Variants in GRIK2 observed in about 807,000 individuals in gnomAD.
GRIK2 encodes glutamate receptor ionotropic, kainate 2.
Under a neutral mutation model 100.3 loss-of-function variants are expected in GRIK2, and 32 were observed. That is an observed-to-expected ratio of 0.32 (90% CI 0.24 to 0.43). The LOEUF (loss-of-function observed/expected upper bound fraction) is 0.43, where lower values mean the gene tolerates loss of function less well. Ranked by LOEUF, GRIK2 falls within the 20% of genes least tolerant of loss-of-function variation. The pLI, the probability that GRIK2 is intolerant of heterozygous loss-of-function variation, is 1.00. For synonymous variants in GRIK2, 417 were observed against 389.4 expected, an observed-to-expected ratio of 1.07 and a Z score of -0.83; for missense variants, 843 against 1,114.9, an observed-to-expected ratio of 0.76 and a Z score of 3.47.
chr6:101,561,048 A>G (rs772505689), intron 2 of GRIK2, among the ~76,000 whole-genome samples: 21 of 152,210 alleles, frequency 1.4e-4, no homozygotes, highest in Admixed American at 3.3e-4. Flanking sequence ...AAGTAATGAG[A>G]CAAAAGATAG....
chr6:101,825,759 C>T (rs1782283383), intron 10 of GRIK2, among the ~76,000 whole-genome samples: 1 of 151,936 alleles, frequency 6.6e-6, no homozygotes, highest in Non-Finnish European at 1.5e-5. Context: ...ATAGAAAAAT[C>T]TGAATTTTGA....
chr6:101,646,643 A>G (rs1416584150), intron 4 of GRIK2, among the ~76,000 whole-genome samples: 4 of 152,026 alleles, frequency 2.6e-5, no homozygotes, highest in Admixed American at 6.6e-5. Flanking sequence ...TTCTGTAAAT[A>G]TTCTTCCTCT....
At chr6:101,750,723 G>C (rs923893325) in intron 7 of GRIK2, among the ~76,000 whole-genome samples, 3 of 152,202 alleles carry the variant, frequency 2.0e-5, no homozygotes, top group East Asian at 3.9e-4. Context: ...TGCTCAGAGA[G>C]AGAGAGAAAG....
At chr6:101,429,963 G>A (rs576170917) in intron 2 of GRIK2, among the ~76,000 whole-genome samples, 18 of 152,136 alleles carry the variant, frequency 1.2e-4, no homozygotes, top group African/African-American at 4.1e-4. Flanking sequence ...GGGTCCTAAC[G>A]CTTGGACTTC....
intron 2 of GRIK2, among the ~76,000 whole-genome samples, chr6:101,516,269 C>T (rs946619796): frequency 1.3e-5 from 2 of 151,910 alleles, no homozygotes; most frequent in African/African-American, 2.4e-5. Context: ...AAAAAGAAGC[C>T]GCATAGCCAA....
chr6:101,973,516 T>G (rs1793186061), intron 14 of GRIK2, among the ~76,000 whole-genome samples: 1 of 151,852 alleles, frequency 6.6e-6, no homozygotes, highest in South Asian at 2.1e-4. Context: ...AGGAGAAAGT[T>G]TTTTGCTGCC....
chr6:101,638,397 A>T (rs1781122543), intron 4 of GRIK2, among the ~76,000 whole-genome samples: 2 of 152,008 alleles, frequency 1.3e-5, no homozygotes, highest in African/African-American at 4.8e-5. Context: ...AGAGAAATAA[A>T]GCAGGAGAGA....
Position 101,803,950 on chromosome 6 carries a change from A to G in GRIK2, c.1203+1512A>G, listed in dbSNP as rs79401930. 2.3e-4 allele frequency among the ~76,000 whole-genome samples: 35 copies of G among 152,026 alleles called. No individual in the cohort carries two copies. In the East Asian group the frequency reaches 3.7e-3, roughly 16 times the overall value. Reference sequence around the variant, plus strand: ...TGCTCTGAGATTTCATAAATATTTTATATTATTTTCTAAAATCTGAAAATT... The same window carrying G: ...TGCTCTGAGATTTCATAAATATTTTGTATTATTTTCTAAAATCTGAAAATT... On this transcript the variant is annotated intron_variant, in intron 9 of 16. Transcript: ENST00000369134.
At chr6:101,492,423 C>A (rs1773170940) in intron 2 of GRIK2, among the ~76,000 whole-genome samples, 1 of 151,794 alleles carries the variant, frequency 6.6e-6, no homozygotes, top group South Asian at 2.1e-4. Context: ...AATGAATGAA[C>A]CTCTTTCCTC....
chr6:101,892,308 T>A (rs1787158686), intron 12 of GRIK2, among the ~76,000 whole-genome samples: 1 of 152,172 alleles, frequency 6.6e-6, no homozygotes, highest in Non-Finnish European at 1.5e-5. Context: ...TACTGAAACA[T>A]CTGGTTTCCT....
intron 10 of GRIK2, among the ~76,000 whole-genome samples, chr6:101,820,774 A>G (rs962086897): frequency 6.6e-6 from 1 of 152,066 alleles, no homozygotes; most frequent in African/African-American, 2.4e-5. Context: ...TGCAGTAAAA[A>G]TCCTATTCAT....
At chr6:101,458,478 G>T (rs1197128327) in intron 2 of GRIK2, among the ~76,000 whole-genome samples, 1 of 152,186 alleles carries the variant, frequency 6.6e-6, no homozygotes, top group African/African-American at 2.4e-5. Context: ...CTGGCCCAGG[G>T]CTGGGGCTGT....
At chr6:101,518,659 G>A (rs931874292) in intron 2 of GRIK2, among the ~76,000 whole-genome samples, 1 of 152,126 alleles carries the variant, frequency 6.6e-6, no homozygotes, top group Admixed American at 6.6e-5. Flanking sequence ...AAATGTGTTT[G>A]AGAAACGTGG....
chr6:102,024,565 G>A (rs529484760), intron 14 of GRIK2, among the ~76,000 whole-genome samples: 1 of 151,138 alleles, frequency 6.6e-6, no homozygotes, highest in African/African-American at 2.4e-5. Context: ...TAAAAGAACA[G>A]GGTTTTGTAC....
rs529805198 is a variant in GRIK2, at chr6:101,395,125, T to C, written c.-294+1288T>C. ...ATCATAAGGGATACCACAGCATGCATAGTTAAGAAGAGTGAGTTGCAAGTA... is the reference window on the plus strand; with the variant it reads ...ATCATAAGGGATACCACAGCATGCACAGTTAAGAAGAGTGAGTTGCAAGTA... On this transcript the variant is annotated intron_variant, in intron 1 of 16. Coordinates refer to ENST00000369134, the MANE Select transcript of GRIK2 (RefSeq NM_021956.5). Among the ~76,000 whole-genome samples the C allele has an allele frequency of 6.4e-4, 98 of 152,344 alleles. 1 individual carries two copies. The highest frequency in any genetic ancestry group is 4.7e-4 in the Non-Finnish European group (32 of 68,026).
intron 2 of GRIK2, among the ~76,000 whole-genome samples, chr6:101,554,614 C>T (rs1220461034): frequency 1.3e-5 from 2 of 152,120 alleles, no homozygotes; most frequent in Non-Finnish European, 2.9e-5. Flanking sequence ...GGATATATCA[C>T]TATCATGGCA....
At chr6:101,672,573 G>GTT (rs139334138) in intron 4 of GRIK2, among the ~76,000 whole-genome samples, 21 of 150,612 alleles carry the variant, frequency 1.4e-4, no homozygotes, top group Admixed American at 4.0e-4. Flanking sequence ...ATTTTTATGT[G>GTT]TTTTTTTTTC....
chr6:101,951,783 G>T (rs986448612), intron 14 of GRIK2, among the ~76,000 whole-genome samples: 4 of 152,142 alleles, frequency 2.6e-5, no homozygotes, highest in Non-Finnish European at 4.4e-5. Flanking sequence ...GACATGTTTT[G>T]CTCTTCTTTT....
chr6:101,782,109 G>C (rs552188731), intron 7 of GRIK2, among the ~76,000 whole-genome samples: 2 of 152,234 alleles, frequency 1.3e-5, no homozygotes, highest in Admixed American at 6.5e-5. Context: ...ATCAAGTCAG[G>C]CTATTTAGGA....
Sources: gnomAD v4.1 joint callset for allele counts (sites outside exome capture counted in the v4.1 genomes callset) on GRCh38, gnomAD v4.1.1 for gene constraint, MANE v1.5 for transcripts, NCBI Gene and HGNC (gene_info 2026-07-23, HGNC 2026-07-21) for gene names.